Variants in PTPRJ observed in about 807,000 individuals in gnomAD.
PTPRJ encodes the protein receptor-type tyrosine-protein phosphatase eta.
In PTPRJ, 129 loss-of-function variants were observed where a neutral mutation model predicts 141.3. The observed-to-expected ratio is 0.91, with a 90% CI of 0.79 to 1.06. The LOEUF (loss-of-function observed/expected upper bound fraction) is 1.06, where lower values mean the gene tolerates loss of function less well. Among genes scored for constraint, PTPRJ ranks in the 50% least tolerant of loss-of-function variants. The pLI is 0.00. For missense variants in PTPRJ, 1,601 were observed against 1,679.7 expected, an observed-to-expected ratio of 0.95 and a Z score of 0.82; for synonymous variants, 610 against 640.5, an observed-to-expected ratio of 0.95 and a Z score of 0.72.
chr11:48,070,553 C>T (rs1004802421), intron 1 of PTPRJ, among the ~76,000 whole-genome samples: 1 of 150,046 alleles, frequency 6.7e-6, no homozygotes, highest in African/African-American at 2.5e-5. Flanking sequence ...CTCAGTAGAT[C>T]AGTAGATTTA....
chr11:48,132,884 A>T (rs573432230), intron 8 of PTPRJ, among the ~76,000 whole-genome samples: 1 of 152,340 alleles, frequency 6.6e-6, no homozygotes, highest in East Asian at 1.9e-4. Context: ...GATGAAATGC[A>T]GTATTCCCTT....
chr11:48,118,473 A>G (rs1856623597), intron 3 of PTPRJ, among the ~76,000 whole-genome samples: 1 of 152,242 alleles, frequency 6.6e-6, no homozygotes, highest in Non-Finnish European at 1.5e-5. Context: ...CTCATTTAAC[A>G]AGAGCAGTAT....
rs150369251 is a variant in PTPRJ at position 48,064,912 on chromosome 11, C to T, written c.97-45146C>T. 5.3e-3 allele frequency among the ~76,000 whole-genome samples: 802 copies of T among 151,382 alleles called. 12 individuals are homozygous for T. The highest frequency in any genetic ancestry group is 0.018 in the African/African-American group (751 of 41,276). Reference sequence around the variant, plus strand: ...CTAGGATTACAGGCGTGAGCCACTGCGCCCGGCTCTGAGCTGCAAATTTAA... The same window carrying T: ...CTAGGATTACAGGCGTGAGCCACTGTGCCCGGCTCTGAGCTGCAAATTTAA... On this transcript the variant is annotated intron_variant, in intron 1 of 24. Transcript: ENST00000418331.
intron 18 of PTPRJ, among the ~76,000 whole-genome samples, chr11:48,151,693 C>T (rs1018251177): frequency 6.0e-5 from 9 of 150,050 alleles, no homozygotes; most frequent in African/African-American, 2.0e-4. Flanking sequence ...TAAGAACATG[C>T]GGTGTTTGGT....
intron 1 of PTPRJ, among the ~76,000 whole-genome samples, chr11:48,059,035 A>G (rs531154476): frequency 6.8e-6 from 1 of 147,482 alleles, no homozygotes; most frequent in South Asian, 2.2e-4. Flanking sequence ...CCCTACAGAG[A>G]GGCCGGCCCT....
intron 2 of PTPRJ, among the ~76,000 whole-genome samples, chr11:48,110,806 T>C (rs1345856106): frequency 6.6e-6 from 1 of 152,202 alleles, no homozygotes; most frequent in Non-Finnish European, 1.5e-5. Flanking sequence ...ATGTTTTGCT[T>C]TCATGCACAG....
At chr11:48,016,076 G>C (rs1396532834) in intron 1 of PTPRJ, among the ~76,000 whole-genome samples, 1 of 152,120 alleles carries the variant, frequency 6.6e-6, no homozygotes. Context: ...ATGGGTTCCA[G>C]TGGAAGCTGG....
At chr11:48,047,006 C>T (rs1196229612) in intron 1 of PTPRJ, among the ~76,000 whole-genome samples, 2 of 147,236 alleles carry the variant, frequency 1.4e-5, no homozygotes, top group African/African-American at 2.5e-5. Flanking sequence ...ACCTCTGCCT[C>T]CTGGGTTTAA....
At chr11:48,141,671 C>G (rs1590551666) in intron 11 of PTPRJ, among the ~76,000 whole-genome samples, 3 of 152,262 alleles carry the variant, frequency 2.0e-5, no homozygotes, top group Middle Eastern at 3.4e-3. Flanking sequence ...CAGTCTCTTT[C>G]TCACTCTCCT....
At chr11:48,039,123 C>G (rs1470347649) in intron 1 of PTPRJ, among the ~76,000 whole-genome samples, 1 of 148,338 alleles carries the variant, frequency 6.7e-6, no homozygotes, top group Non-Finnish European at 1.5e-5. Flanking sequence ...GCACTCCAGC[C>G]TGGGTGACAG....
chr11:48,029,467 C>G (rs1264722759), intron 1 of PTPRJ, among the ~76,000 whole-genome samples: 1 of 152,150 alleles, frequency 6.6e-6, no homozygotes, highest in African/African-American at 2.4e-5. Context: ...AAGAATGTCT[C>G]ACTAGTCATG....
chr11:48,066,792 G>C (rs975834191), intron 1 of PTPRJ, among the ~76,000 whole-genome samples: 1 of 151,888 alleles, frequency 6.6e-6, no homozygotes, highest in African/African-American at 2.4e-5. Context: ...CACCATGTTG[G>C]CCAGGCTCAT....
chr11:48,095,844 G>A lies in PTPRJ; in HGVS notation c.97-14214G>A, dbSNP rs1201169647. On this transcript the variant is annotated intron_variant, in intron 1 of 24. Transcript: ENST00000418331. ...GATCCACCCACCTCGGCCTCTGAAA[G>A]TGCTGGGATTATAGGCATGAGCCAC... Among the ~76,000 whole-genome samples the A allele has an allele frequency of 5.9e-5, 9 of 152,182 alleles. 1 individual carries two copies. The highest frequency in any genetic ancestry group is 5.9e-4 in the Admixed American group (9 of 15,276).
intron 1 of PTPRJ, among the ~76,000 whole-genome samples, chr11:48,062,240 G>A (rs912624887): frequency 2.6e-5 from 4 of 151,778 alleles, no homozygotes; most frequent in Admixed American, 6.6e-5. Flanking sequence ...CAGGCCAGGC[G>A]CGGTGGCTCA....
intron 1 of PTPRJ, 41 bp downstream of exon 1, chr11:47,981,049 G>T: frequency 1.7e-6 from 2 of 1,209,116 alleles, no homozygotes; most frequent in South Asian, 8.3e-5. Context: ...AGGAGGCTGG[G>T]GCGGGACTGG....
chr11:48,106,237 G>A (rs1472021723), intron 1 of PTPRJ, among the ~76,000 whole-genome samples: 1 of 152,170 alleles, frequency 6.6e-6, no homozygotes, highest in Non-Finnish European at 1.5e-5. Flanking sequence ...GTTATAGGTC[G>A]AGTCAGGGCG....
intron 1 of PTPRJ, among the ~76,000 whole-genome samples, chr11:47,989,102 C>T (rs1216690005): frequency 6.6e-6 from 1 of 151,126 alleles, no homozygotes; most frequent in East Asian, 2.0e-4. Context: ...CCAGGATGGT[C>T]TCGATCTCCT....
intron 1 of PTPRJ, among the ~76,000 whole-genome samples, chr11:48,019,830 C>G (rs1329267426): frequency 6.6e-6 from 1 of 152,140 alleles, no homozygotes; most frequent in Non-Finnish European, 1.5e-5. Context: ...CTGGGTGCAA[C>G]TGGGGACAGG....
At chr11:47,996,094 GA>G (rs1854327742) in intron 1 of PTPRJ, among the ~76,000 whole-genome samples, 2 of 152,036 alleles carry the variant, frequency 1.3e-5, no homozygotes, top group South Asian at 4.1e-4. Flanking sequence ...AGCACTATGG[GA>G]GGCCAAGGCG....
Sources: allele counts gnomAD v4.1 joint callset (sites outside exome capture counted in the v4.1 genomes callset), GRCh38; gene constraint gnomAD v4.1.1; transcripts MANE v1.5; gene names NCBI Gene and HGNC (gene_info 2026-07-23, HGNC 2026-07-21).